CDKN2C: variants seen among roughly 807,000 people sequenced by gnomAD.
The protein encoded by CDKN2C is cyclin dependent kinase inhibitor 2C.
A neutral mutation model predicts 11.0 loss-of-function variants in CDKN2C; 5 were observed. The ratio of observed to expected loss-of-function variants is 0.45; its 90% CI spans 0.24 to 0.95. The LOEUF (loss-of-function observed/expected upper bound fraction) is 0.95. Ranked by LOEUF, CDKN2C falls within the 40% of genes least tolerant of loss-of-function variation. CDKN2C has a pLI of 0.21. For synonymous variants in CDKN2C, 79 were observed against 88.3 expected (o/e 0.89, Z 0.59); for missense variants, 161 against 211.9 (o/e 0.76, Z 1.49).
chr1:50,971,447 T>C (rs571549768), intron 1 of CDKN2C, among the ~76,000 whole-genome samples: 38 of 152,330 alleles, frequency 2.5e-4, no homozygotes, highest in South Asian at 1.2e-3. Context: ...TGCCAAGAGA[T>C]ATACTATTAA....
At chr1:50,960,875 C>T (rs1304431398) in intron 1 of CDKN2C, 2 of 151,964 alleles carry the variant, frequency 1.3e-5, no homozygotes, top group African/African-American at 4.8e-5. Flanking sequence ...GAAATAACAA[C>T]CTCGAGTTAA....
At chr1:50,965,117 A>G (rs879855734) in intron 1 of CDKN2C, among the ~76,000 whole-genome samples, 1 of 150,750 alleles carries the variant, frequency 6.6e-6, no homozygotes, top group Non-Finnish European at 1.5e-5. Context: ...ATATTTTATA[A>G]CCATGAAACA....
chr1:50,963,072 C>T (rs1365571285), intron 1 of CDKN2C, among the ~76,000 whole-genome samples: 2 of 152,168 alleles, frequency 1.3e-5, no homozygotes, highest in East Asian at 1.9e-4. Flanking sequence ...TTAGTTATTA[C>T]TCTGTATACC....
At position 50,974,538 on chromosome 1, in the gene CDKN2C, TCC is replaced by T. The variant is rs1451880524; in HGVS notation, c.*271_*272del. 3 of 351,612 alleles carry T rather than the reference TCC, an allele frequency of 8.5e-6. No individual in the cohort carries two copies. The highest frequency in any genetic ancestry group is 8.5e-5 in the Admixed American group (2 of 23,406). The allele number at this position is 351,612 out of a possible 1,614,324, so 21.8% of individuals were successfully genotyped here. The stretch of plus-strand genomic sequence containing the variant: ...ATCTTTCCTTGGCTTTTCCCTTGCT[TCC>T]CCTTTTGCCAATCTCAACACCCAAG... On this transcript the variant is annotated 3_prime_UTR_variant, in exon 2 of 2. Coordinates refer to ENST00000371761, the MANE Select transcript of CDKN2C (RefSeq NM_078626.3).
chr1:50,969,022 C>G (rs763492389), upstream of CDKN2C: 4 of 152,852 alleles, frequency 2.6e-5, no homozygotes, highest in African/African-American at 7.2e-5. This position sits in a 1 kb window ranked among gnomAD's most constrained non-coding sequence, Gnocchi z 6.6. Flanking sequence ...AGCAGTGCTG[C>G]CAGGCTCTGC....
chr1:50,961,814 G>C (rs1484680844), intron 1 of CDKN2C, among the ~76,000 whole-genome samples: 2 of 152,180 alleles, frequency 1.3e-5, no homozygotes, highest in African/African-American at 4.8e-5. Context: ...TTACAGGTGT[G>C]AGCCATACCA....
rs1645393524 is a variant in CDKN2C at position 50,973,987 on chromosome 1, A to G, written c.224A>G (p.His75Arg). ...GACCGAACTGGTTTCGCTGTCATTC[A>G]TGATGCGGCCAGAGCAGGTTTCCTG... is the stretch of plus-strand genomic sequence containing the variant. ...LKDRTGFAVI[H>R]DAARAGFLDT... The change falls in exon 2 of 2, where the codon CAT becomes CGT. Residue 75 changes from histidine to arginine, a missense_variant. By Grantham distance (29) the His-to-Arg change is conservative. Transcript: ENST00000371761. 1 of 1,614,128 alleles carries G rather than the reference A, an allele frequency of 6.2e-7. No individual in the cohort carries two copies. The highest frequency in any genetic ancestry group is 8.5e-7 in the Non-Finnish European group (1 of 1,180,044).
At chr1:50,961,014 TTTTATTTATTTATTTA>T (rs139937761) in intron 1 of CDKN2C, among the ~76,000 whole-genome samples, 2 of 149,480 alleles carry the variant, frequency 1.3e-5, no homozygotes, top group Non-Finnish European at 3.0e-5. Flanking sequence ...GTCAGTCTAT[TTTTATTTATTTATTTA>T]TTTATTTATT....
chr1:50,965,546 C>G (rs1645344008), upstream of CDKN2C, among the ~76,000 whole-genome samples: 1 of 151,586 alleles, frequency 6.6e-6, no homozygotes, highest in Non-Finnish European at 1.5e-5. Context: ...CCCATCTCCA[C>G]AAAATTAGAA....
upstream of CDKN2C, chr1:50,969,965 T>G (rs1036170489): frequency 1.1e-5 from 3 of 275,320 alleles, no homozygotes; most frequent in Non-Finnish European, 2.1e-5. The surrounding 1 kb of genome is among the most constrained non-coding windows in gnomAD (Gnocchi z 6.6). Context: ...CCCCGATCTA[T>G]AGTCCCTTGA....
intron 1 of CDKN2C, among the ~76,000 whole-genome samples, chr1:50,961,110 G>A (rs1350638586): frequency 1.3e-5 from 2 of 151,828 alleles, no homozygotes; most frequent in African/African-American, 4.8e-5. Flanking sequence ...ATCTCGGCTC[G>A]CTGCGACCTC....
At chr1:50,965,731 A>G (rs887941435), upstream of CDKN2C, among the ~76,000 whole-genome samples, 5 of 152,000 alleles carry the variant, frequency 3.3e-5, no homozygotes, top group African/African-American at 1.2e-4. Context: ...AAAATAAAAT[A>G]AAAATAATAA....
At chr1:50,968,678 C>T (rs1254004686), upstream of CDKN2C, 1 of 152,198 alleles carries the variant, frequency 6.6e-6, no homozygotes, top group African/African-American at 2.4e-5. Context: ...GGCCTTCCCG[C>T]TCCCGCGGCG....
chr1:50,970,352 C>A lies in CDKN2C; in HGVS notation c.-17C>A. 1 of 1,613,910 alleles carries A rather than the reference C, an allele frequency of 6.2e-7. No individual in the cohort carries two copies. Among genetic ancestry groups the A allele is most frequent in the South Asian group, 1.1e-5 (1 of 91,060 alleles). ...AACGACTAATTCATCTTTTCCTGATCGTCAGGACCCTAAAGAATGGCCGAG... is the reference window on the plus strand; with the variant it reads ...AACGACTAATTCATCTTTTCCTGATAGTCAGGACCCTAAAGAATGGCCGAG... On this transcript the variant is annotated 5_prime_UTR_variant, in exon 1 of 2. Coordinates refer to ENST00000371761, the MANE Select transcript of CDKN2C (RefSeq NM_078626.3).
chr1:50,961,438 G>A (rs1017178859), intron 1 of CDKN2C, among the ~76,000 whole-genome samples: 10 of 152,236 alleles, frequency 6.6e-5, no homozygotes, highest in African/African-American at 2.4e-4. Context: ...AACAGCCAAA[G>A]ACTATGTACA....
chr1:50,967,552 T>G (rs1187760636), upstream of CDKN2C, among the ~76,000 whole-genome samples: 1 of 152,226 alleles, frequency 6.6e-6, no homozygotes, highest in Non-Finnish European at 1.5e-5. Flanking sequence ...AGATACTGCT[T>G]GAGGATCCGC....
chr1:50,962,718 T>C (rs185163402), intron 1 of CDKN2C, among the ~76,000 whole-genome samples: 9 of 152,304 alleles, frequency 5.9e-5, no homozygotes, highest in African/African-American at 2.2e-4. Context: ...ATGAACACAC[T>C]AGACATTCAG....
chr1:50,963,393 C>T (rs1341834116), intron 1 of CDKN2C, among the ~76,000 whole-genome samples: 1 of 152,194 alleles, frequency 6.6e-6, no homozygotes, highest in African/African-American at 2.4e-5. Flanking sequence ...TATTGGGAGT[C>T]TACTATGTAC....
chr1:50,972,279 T>C (rs1645385129), intron 1 of CDKN2C, among the ~76,000 whole-genome samples: 1 of 152,106 alleles, frequency 6.6e-6, no homozygotes. Flanking sequence ...TATGTTTCAT[T>C]GAAGTTCTTG....
Sources: gnomAD v4.1 joint callset for allele counts (sites outside exome capture counted in the v4.1 genomes callset) on GRCh38, gnomAD v4.1.1 for gene constraint, Gnocchi (gnomAD v3.1) non-coding constraint, MANE v1.5 for transcripts, NCBI Gene and HGNC (gene_info 2026-07-23, HGNC 2026-07-21) for gene names.